CA5B: variants seen among roughly 807,000 people sequenced by gnomAD.
CA5B encodes the protein carbonic anhydrase 5B.
Under a neutral mutation model 23.1 loss-of-function variants are expected in CA5B, and 15 were observed. That is an observed-to-expected ratio of 0.65 (90% CI 0.43 to 1.00). The LOEUF is 1.00. Ranked by LOEUF, CA5B falls within the 50% of genes least tolerant of loss-of-function variation. CA5B has a pLI of 0.00. For synonymous variants in CA5B, 84 were observed against 98.5 expected (o/e 0.85, Z 0.87); for missense variants, 236 against 252.2 (o/e 0.94, Z 0.43).
Position 15,750,171 on chromosome X carries a change from T to C in CA5B, c.142+6T>C. The C allele has an allele frequency of 1.7e-6, 2 of 1,183,563 alleles. No homozygotes were observed. Among genetic ancestry groups the C allele is most frequent in the Non-Finnish European group, 2.3e-6 (2 of 872,432 alleles). The stretch of plus-strand genomic sequence containing the variant: ...CAAAACCCGGAACCGAGCCTGTGAG[T>C]ACACCACTTCCTTAAAGAGAACAAA... On this transcript the variant is annotated splice_donor_region_variant and intron_variant, in intron 2 of 7. Coordinates refer to ENST00000318636, the MANE Select transcript of CA5B (RefSeq NM_007220.4).
rs139431489 is a variant in CA5B, at chrX:15,742,409, C to A, written c.-54+4057C>A. ...TGAGACGGAGTCTCGCTCTGTCACTCTGATGCCAGGCTGGAGTGCGGTGGC... is the reference window on the plus strand; with the variant it reads ...TGAGACGGAGTCTCGCTCTGTCACTATGATGCCAGGCTGGAGTGCGGTGGC... On this transcript the variant is annotated intron_variant, in intron 1 of 7. Coordinates refer to ENST00000318636, the MANE Select transcript of CA5B (RefSeq NM_007220.4). Among the ~76,000 whole-genome samples, 351 of 112,438 alleles carry A rather than the reference C, an allele frequency of 3.1e-3. 3 individuals are homozygous for A. The highest frequency in any genetic ancestry group is 0.011 in the African/African-American group (339 of 30,924).
intron 3 of CA5B, among the ~76,000 whole-genome samples, chrX:15,769,294 G>A (rs1299235286): frequency 8.9e-6 from 1 of 111,891 alleles, no homozygotes; most frequent in Non-Finnish European, 1.9e-5. Flanking sequence ...ATAAGAGAAG[G>A]TATGTGAACA....
At chrX:15,739,450 GTT>G (rs79951796) in intron 1 of CA5B, among the ~76,000 whole-genome samples, 33,246 of 100,319 alleles carry the variant, frequency 0.33, 4,822 homozygotes, top group Middle Eastern at 0.5. Context: ...TTTTACTGAG[GTT>G]TTTTTTTTTT....
At chrX:15,760,349 AG>A (rs1170533970) in intron 2 of CA5B, among the ~76,000 whole-genome samples, 1 of 111,304 alleles carries the variant, frequency 9.0e-6, no homozygotes, top group Non-Finnish European at 1.9e-5. Flanking sequence ...GCAGTGACCA[AG>A]GACCCCCTCC....
At chrX:15,749,932 T>C (rs1012404745) in intron 1 of CA5B, 39 bp from the exon 2 acceptor site, 2 of 1,050,186 alleles carry the variant, frequency 1.9e-6, no homozygotes, top group African/African-American at 3.8e-5. Flanking sequence ...TAAGTTTCTG[T>C]TGTTTACAGC....
chrX:15,755,985 A>G (rs1931479525), intron 2 of CA5B, among the ~76,000 whole-genome samples: 1 of 112,073 alleles, frequency 8.9e-6, no homozygotes, highest in Non-Finnish European at 1.9e-5. Context: ...AGTTCCTGGT[A>G]TTGTACATTT....
chrX:15,752,569 C>CAA, intron 2 of CA5B, among the ~76,000 whole-genome samples: 1 of 110,858 alleles, frequency 9.0e-6, no homozygotes, highest in Non-Finnish European at 1.9e-5. Flanking sequence ...ACTAAAAATA[C>CAA]AGAAAATTAG....
intron 2 of CA5B, among the ~76,000 whole-genome samples, chrX:15,755,474 G>A (rs1246223033): frequency 8.9e-6 from 1 of 112,339 alleles, no homozygotes; most frequent in Non-Finnish European, 1.9e-5. Flanking sequence ...CTGCATTAAG[G>A]CCAAGGCCTA....
rs1295960238 is a variant in CA5B at position 15,785,617 on chromosome X, T to A, written c.*2953T>A. ...AAACAAGTGTGATTGTACTTAACAC[T>A]ACTGAACTGTATACGTATAAGTTTG... On this transcript the variant is annotated 3_prime_UTR_variant, in exon 8 of 8. Coordinates refer to ENST00000318636, the MANE Select transcript of CA5B (RefSeq NM_007220.4). 4 of 112,185 alleles carry A rather than the reference T, an allele frequency of 3.6e-5. No homozygotes were observed. The highest frequency in any genetic ancestry group is 7.5e-5 in the Non-Finnish European group (4 of 53,279). The allele number at this position is 112,185 out of a possible 1,213,427, so 9.2% of individuals were successfully genotyped here. A position where few individuals can be genotyped will look rare whatever the true frequency, so the allele number is the denominator to read the frequency against.
chrX:15,758,818 G>A lies in CA5B; in HGVS notation c.143-5760G>A, dbSNP rs186765364. Among the ~76,000 whole-genome samples, 23 of 111,878 alleles carry A rather than the reference G, an allele frequency of 2.1e-4. No homozygotes were observed. In the Admixed American group the frequency reaches 2.1e-3, roughly 10 times the overall value. On this transcript the variant is annotated intron_variant, in intron 2 of 7. Coordinates refer to ENST00000318636, the MANE Select transcript of CA5B (RefSeq NM_007220.4). Reference sequence around the variant, plus strand: ...CCACTGCTGCCTGGCTAAATTTTGAGGAGACGTATACATTCACACCATAGC... The same window carrying A: ...CCACTGCTGCCTGGCTAAATTTTGAAGAGACGTATACATTCACACCATAGC...
chrX:15,751,856 G>A (rs1047249752), intron 2 of CA5B, among the ~76,000 whole-genome samples: 1 of 111,435 alleles, frequency 9.0e-6, no homozygotes, highest in Non-Finnish European at 1.9e-5. Context: ...CTGGACCCTC[G>A]TCTGCTCAAT....
At chrX:15,748,215 A>G (rs949953586) in intron 1 of CA5B, among the ~76,000 whole-genome samples, 2 of 112,179 alleles carry the variant, frequency 1.8e-5, no homozygotes, top group African/African-American at 6.5e-5. Context: ...GAACATGCCT[A>G]GTCCTATGTA....
chrX:15,762,951 C>T, intron 2 of CA5B: 3 of 332,187 alleles, frequency 9.0e-6, no homozygotes, highest in South Asian at 8.3e-5. Flanking sequence ...GCTACAGAGA[C>T]CTGGTGCTTG....
At chrX:15,764,495 C>T in intron 2 of CA5B, 83 bp from the exon 3 acceptor site, 3 of 1,174,880 alleles carry the variant, frequency 2.6e-6, no homozygotes, top group Non-Finnish European at 3.4e-6. Flanking sequence ...CCGCCTTGGC[C>T]TCCCCAAGTG....
In CA5B at chrX:15,762,855, G is replaced by A. The variant is rs150350727; in HGVS notation, c.143-1723G>A. The stretch of plus-strand genomic sequence containing the variant: ...GGGAAATGGACCACCCCAAACTGAT[G>A]TACATTGGTTCTGCTCATCACACTT... On this transcript the variant is annotated intron_variant, in intron 2 of 7. Transcript: ENST00000318636. The A allele has an allele frequency of 8.9e-3, 3,283 of 368,725 alleles. 13 individuals carry two copies. The highest frequency in any genetic ancestry group is 0.013 in the Non-Finnish European group (2,303 of 183,214). 30.4% of individuals were successfully genotyped at this position (368,725 alleles called of 1,213,427 possible). A position where few individuals can be genotyped will look rare whatever the true frequency, so the allele number is the denominator to read the frequency against.
intron 2 of CA5B, chrX:15,763,018 T>C (rs1310290668): frequency 2.1e-5 from 6 of 287,883 alleles, no homozygotes; most frequent in South Asian, 1.3e-4. Flanking sequence ...GGATAAATTA[T>C]ATGTGTACAC....
At chrX:15,776,166 A>G (rs1489535196) in intron 6 of CA5B, 25 of 237,562 alleles carry the variant, frequency 1.1e-4, no homozygotes, top group African/African-American at 5.0e-4. Context: ...GTGAAACCCC[A>G]TCTCTCCTAA....
intron 3 of CA5B, chrX:15,769,594 G>A (rs1931779774): frequency 1.3e-6 from 1 of 753,747 alleles, no homozygotes; most frequent in Non-Finnish European, 1.6e-6. Flanking sequence ...GGCAGTGCCA[G>A]TGAACCTAGT....
intron 1 of CA5B, among the ~76,000 whole-genome samples, chrX:15,742,389 C>CG (rs1305933237): frequency 1.8e-5 from 2 of 111,756 alleles, no homozygotes; most frequent in Non-Finnish European, 3.8e-5. Context: ...TTTTTTGAGA[C>CG]GGAGTCTCGC....
Sources: gnomAD v4.1 joint callset for allele counts (sites outside exome capture counted in the v4.1 genomes callset) on GRCh38, gnomAD v4.1.1 for gene constraint, MANE v1.5 for transcripts, NCBI Gene and HGNC (gene_info 2026-07-23, HGNC 2026-07-21) for gene names.